Variants in MCPH1 observed in about 807,000 individuals in gnomAD.
The protein encoded by MCPH1 is microcephalin.
In MCPH1, 104 loss-of-function variants were observed where a neutral mutation model predicts 84.5. The ratio of observed to expected loss-of-function variants is 1.23; its 90% CI spans 1.05 to 1.45. The LOEUF (loss-of-function observed/expected upper bound fraction) is 1.45, where lower values mean the gene tolerates loss of function less well. Ranked by LOEUF, MCPH1 falls within the 40% of genes most tolerant of loss-of-function variation. The probability of loss-of-function intolerance (pLI) is 0.00; values close to 1 mark genes in which losing one functional copy is unlikely to be tolerated. For synonymous variants in MCPH1, 514 were observed against 366.8 expected, an observed-to-expected ratio of 1.40 and a Z score of -4.58; for missense variants, 1,498 against 1,005.7, an observed-to-expected ratio of 1.49 and a Z score of -6.62.
At chr8:6,603,448 C>T (rs973216854) in intron 12 of MCPH1, among the ~76,000 whole-genome samples, 2 of 152,144 alleles carry the variant, frequency 1.3e-5, no homozygotes, top group Admixed American at 6.5e-5. Context: ...AATTATACCT[C>T]AGTAAAGTTG....
chr8:6,593,654 C>G (rs1310946024), intron 12 of MCPH1, among the ~76,000 whole-genome samples: 2 of 152,208 alleles, frequency 1.3e-5, no homozygotes, highest in African/African-American at 2.4e-5. Context: ...ACAGCTGACC[C>G]AGACACCATG....
chr8:6,601,565 C>A (rs1392512372), intron 12 of MCPH1, among the ~76,000 whole-genome samples: 2 of 52,968 alleles, frequency 3.8e-5, no homozygotes, highest in African/African-American at 1.0e-4. Flanking sequence ...ACACCCACAC[C>A]CCACATGCAC....
chr8:6,647,623 T>G lies in MCPH1; in HGVS notation c.*4574T>G, dbSNP rs1323476987. The G allele has an allele frequency of 6.6e-6, 1 of 151,924 alleles. No homozygotes were observed. Among genetic ancestry groups the G allele is most frequent in the African/African-American group, 2.4e-5 (1 of 41,190 alleles). The allele number at this position is 151,924 out of a possible 1,614,324, so 9.4% of individuals were successfully genotyped here. ...TACTAAACACGTGCAACAACATGAA[T>G]GAGCCTCAGAAACATAAGTGAAAGA... On this transcript the variant is annotated 3_prime_UTR_variant, in exon 14 of 14. Transcript: ENST00000344683.
Position 6,438,968 on chromosome 8 carries a change from T to G in MCPH1, c.452T>G (p.Ile151Ser), listed in dbSNP as rs769573711. The G allele has an allele frequency of 6.2e-7, 1 of 1,612,462 alleles. No homozygotes were observed. The highest frequency in any genetic ancestry group is 1.1e-5 in the South Asian group (1 of 91,058). The change falls in exon 6 of 14, where the codon ATT (isoleucine) becomes AGT (serine). Residue 151 changes from isoleucine (I) to serine (S), a missense_variant. By Grantham distance (142) the Ile-to-Ser change is moderately radical. Transcript: ENST00000344683. ...QKTNLDDDVPILLFESNGSLI... is the reference protein window; with the variant it reads ...QKTNLDDDVPSLLFESNGSLI... ...TTATTTTCAGATGATGATGTACCTATTCTCTTATTTGAATCTAATGGTTCA... is the reference window on the plus strand; with the variant it reads ...TTATTTTCAGATGATGATGTACCTAGTCTCTTATTTGAATCTAATGGTTCA...
intron 12 of MCPH1, among the ~76,000 whole-genome samples, chr8:6,580,663 A>T (rs951041906): frequency 6.6e-6 from 1 of 152,128 alleles, no homozygotes; most frequent in African/African-American, 2.4e-5. Context: ...CCACAAAAAC[A>T]AAAACAAAAC....
chr8:6,501,553 CTTTTT>C (rs761570329), intron 12 of MCPH1: 3 of 128,048 alleles, frequency 2.3e-5, no homozygotes, highest in Admixed American at 7.8e-5. Flanking sequence ...TCTTTTCTTT[CTTTTT>C]TTTTTTTTTT....
chr8:6,543,945 G>A (rs1295645097), intron 12 of MCPH1, among the ~76,000 whole-genome samples: 5 of 152,142 alleles, frequency 3.3e-5, no homozygotes, highest in Non-Finnish European at 5.9e-5. Flanking sequence ...ACGGGGCTAT[G>A]TTTTGCACCT....
At chr8:6,489,163 T>G (rs896371565) in intron 11 of MCPH1, among the ~76,000 whole-genome samples, 4 of 152,130 alleles carry the variant, frequency 2.6e-5, no homozygotes, top group Non-Finnish European at 2.9e-5. Flanking sequence ...ATACTACATA[T>G]CAGATTATAT....
At chr8:6,574,744 A>G (rs1414949221) in intron 12 of MCPH1, among the ~76,000 whole-genome samples, 1 of 152,204 alleles carries the variant, frequency 6.6e-6, no homozygotes, top group East Asian at 1.9e-4. Flanking sequence ...TAGGACAGAG[A>G]GACGAGATAA....
intron 12 of MCPH1, chr8:6,508,691 A>C (rs1161503814): frequency 3.3e-6 from 2 of 605,506 alleles, no homozygotes; most frequent in Non-Finnish European, 5.8e-6. Context: ...TCTCCTTGCC[A>C]GGGCTAGGTC....
intron 12 of MCPH1, among the ~76,000 whole-genome samples, chr8:6,617,843 G>C (rs755489602): frequency 6.6e-6 from 1 of 151,864 alleles, no homozygotes; most frequent in Non-Finnish European, 1.5e-5. Context: ...TGCCGGGCTT[G>C]CTTATCTATG....
chr8:6,448,559 T>C (rs962911442), intron 8 of MCPH1, among the ~76,000 whole-genome samples: 1 of 152,352 alleles, frequency 6.6e-6, no homozygotes, highest in Middle Eastern at 3.4e-3. Flanking sequence ...GAACAGACTG[T>C]GGGTTGGAGT....
rs1805549942 is a variant in MCPH1 at position 6,455,245 on chromosome 8, G to A, written c.1928G>A (p.Gly643Asp). 4 of 1,607,168 alleles carry A rather than the reference G, an allele frequency of 2.5e-6. No homozygotes were observed. Among genetic ancestry groups the A allele is most frequent in the Non-Finnish European group, 3.4e-6 (4 of 1,173,946 alleles). Residue 643 changes from glycine (G) to aspartate (D), a missense_variant, in exon 9 of 14, where the codon GGC becomes GAC. By Grantham distance (94) the Gly-to-Asp change is moderately conservative. Transcript: ENST00000344683. Reference sequence around the variant, plus strand: ...GAGGAATTGAAGAAAAGTGGGAGAGGCAAAAAGGTCAGTGTGTAAAAATAT... The same window carrying A: ...GAGGAATTGAAGAAAAGTGGGAGAGACAAAAAGGTCAGTGTGTAAAAATAT... ...PHEELKKSGRGKKPTRTLVMT... is the reference protein window; with the variant it reads ...PHEELKKSGRDKKPTRTLVMT...
At position 6,487,021 on chromosome 8, in the gene MCPH1, G is replaced by C. The variant is rs116549326; in HGVS notation, c.2136+6145G>C. On this transcript the variant is annotated intron_variant, in intron 11 of 13. Transcript: ENST00000344683. ...TGTGATTCAGTCTTCCCTTTTTCCA[G>C]CTACCACTCCGTGTCACTCTGTCCA... 3.9e-3 allele frequency among the ~76,000 whole-genome samples: 601 copies of C among 152,220 alleles called. 2 individuals are homozygous for C. The highest frequency in any genetic ancestry group is 0.014 in the African/African-American group (578 of 41,534).
chr8:6,537,828 A>G (rs900940680), intron 12 of MCPH1, among the ~76,000 whole-genome samples: 2 of 152,102 alleles, frequency 1.3e-5, no homozygotes, highest in African/African-American at 4.8e-5. Flanking sequence ...ACTATCCCCA[A>G]CTTGGAGATT....
At chr8:6,513,468 G>A (rs1301132735) in intron 12 of MCPH1, among the ~76,000 whole-genome samples, 1 of 151,780 alleles carries the variant, frequency 6.6e-6, no homozygotes, top group East Asian at 1.9e-4. Flanking sequence ...GAGTAGCTGG[G>A]ACTACAGGCG....
chr8:6,554,574 A>T (rs1332774950), intron 12 of MCPH1, among the ~76,000 whole-genome samples: 2 of 152,190 alleles, frequency 1.3e-5, no homozygotes, highest in African/African-American at 4.8e-5. Flanking sequence ...TATATTTTTA[A>T]TTTGGTTGTT....
At chr8:6,523,630 C>T (rs1401944473) in intron 12 of MCPH1, among the ~76,000 whole-genome samples, 1 of 152,106 alleles carries the variant, frequency 6.6e-6, no homozygotes, top group Non-Finnish European at 1.5e-5. Context: ...CGCGCTGTGG[C>T]CTGGGCTGTT....
At chr8:6,425,122 G>C in intron 3 of MCPH1, among the ~76,000 whole-genome samples, 1 of 152,336 alleles carries the variant, frequency 6.6e-6, no homozygotes, top group South Asian at 2.1e-4. Flanking sequence ...CAGGTGTACT[G>C]TGGGAAGTGC....
Sources: gnomAD v4.1 joint callset for allele counts (sites outside exome capture counted in the v4.1 genomes callset) on GRCh38, gnomAD v4.1.1 for gene constraint, MANE v1.5 for transcripts, NCBI Gene and HGNC (gene_info 2026-07-23, HGNC 2026-07-21) for gene names.